Variants in RNF130 observed in about 807,000 individuals in gnomAD.
The protein encoded by RNF130 is E3 ubiquitin-protein ligase RNF130.
In RNF130, 21 loss-of-function variants were observed where a neutral mutation model predicts 44.6. The ratio of observed to expected loss-of-function variants is 0.47; its 90% CI spans 0.33 to 0.68. The LOEUF (loss-of-function observed/expected upper bound fraction) is 0.68, where lower values mean the gene tolerates loss of function less well. Among genes scored for constraint, RNF130 ranks in the 30% least tolerant of loss-of-function variants. RNF130 has a pLI of 0.02. For synonymous variants in RNF130, 214 were observed against 210.4 expected, an observed-to-expected ratio of 1.02 and a Z score of -0.15; for missense variants, 479 against 560.6, an observed-to-expected ratio of 0.85 and a Z score of 1.47.
chr5:179,915,696 T>G (rs1195041472), exon 8 of RNF130: 8 of 152,274 alleles, frequency 5.3e-5, no homozygotes, highest in Non-Finnish European at 1.2e-4. Context: ...TGACCCCCAG[T>G]GCGGTTCCTT....
intron 1 of RNF130, among the ~76,000 whole-genome samples, chr5:180,069,432 T>C (rs1437943957): frequency 2.1e-5 from 3 of 142,146 alleles, no homozygotes; most frequent in African/African-American, 5.1e-5. Flanking sequence ...CGAGAAAACC[T>C]GGAGCAAGCC....
rs1762193612 is a variant in RNF130, at chr5:179,955,563, T to C, written c.*91A>G. 7.6e-6 allele frequency: 8 copies of C among 1,046,760 alleles called. No homozygotes were observed. In the South Asian group the frequency reaches 1.1e-4, roughly 15 times the overall value. The allele number at this position is 1,046,760 out of a possible 1,614,324, so 64.8% of individuals were successfully genotyped here. A position where few individuals can be genotyped will look rare whatever the true frequency, so the allele number is the denominator to read the frequency against. On this transcript the variant is annotated 3_prime_UTR_variant, in exon 9 of 9. Coordinates refer to ENST00000521389, the MANE Select transcript of RNF130 (RefSeq NM_018434.6). Reference sequence around the variant, plus strand: ...AAAAATAAAATGTACTAAAAATAAATGCTTGTGTGGCATGATTGGTAAATG... The same window carrying C: ...AAAAATAAAATGTACTAAAAATAAACGCTTGTGTGGCATGATTGGTAAATG...
chr5:180,010,492 T>G (rs1216189562), intron 3 of RNF130, among the ~76,000 whole-genome samples: 1 of 152,064 alleles, frequency 6.6e-6, no homozygotes, highest in Non-Finnish European at 1.5e-5. Flanking sequence ...CCTGAATGGA[T>G]GGGACTACAG....
intron 1 of RNF130, among the ~76,000 whole-genome samples, chr5:180,061,151 T>A (rs1347054339): frequency 7.0e-6 from 1 of 142,814 alleles, no homozygotes; most frequent in Non-Finnish European, 1.5e-5. Context: ...AGACTGTGGG[T>A]GACGCATCAG....
chr5:179,989,482 T>C (rs1763029635), intron 3 of RNF130, among the ~76,000 whole-genome samples: 1 of 152,208 alleles, frequency 6.6e-6, no homozygotes, highest in Admixed American at 6.5e-5. Flanking sequence ...CCTGCAGAAT[T>C]GATCCCTTCA....
intron 4 of RNF130, among the ~76,000 whole-genome samples, chr5:179,979,828 A>T (rs931054771): frequency 3.9e-5 from 6 of 152,244 alleles, no homozygotes; most frequent in African/African-American, 1.4e-4. Flanking sequence ...AAAACAACAA[A>T]AGAGACATAG....
intron 1 of RNF130, among the ~76,000 whole-genome samples, chr5:180,063,507 T>C (rs1468251505): frequency 6.6e-6 from 1 of 152,158 alleles, no homozygotes; most frequent in African/African-American, 2.4e-5. Context: ...AGCTTATCAA[T>C]TTGGAGATGT....
intron 2 of RNF130, among the ~76,000 whole-genome samples, chr5:180,019,114 G>A (rs1207880827): frequency 6.6e-6 from 1 of 152,210 alleles, no homozygotes; most frequent in Non-Finnish European, 1.5e-5. Context: ...GCCGGGCGGG[G>A]TGGCTCACGC....
At chr5:179,959,279 A>G (rs945058041) in intron 8 of RNF130, among the ~76,000 whole-genome samples, 1 of 152,114 alleles carries the variant, frequency 6.6e-6, no homozygotes, top group Non-Finnish European at 1.5e-5. Flanking sequence ...CATCCCCAAG[A>G]CATCAAATAA....
At chr5:179,928,897 G>C (rs535343276) in intron 7 of RNF130, among the ~76,000 whole-genome samples, 1 of 152,146 alleles carries the variant, frequency 6.6e-6, no homozygotes, top group Non-Finnish European at 1.5e-5. Context: ...CCAAAGTGCT[G>C]GGATTACAGG....
intron 2 of RNF130, among the ~76,000 whole-genome samples, chr5:180,039,952 T>G (rs1012995397): frequency 6.6e-6 from 1 of 152,256 alleles, no homozygotes; most frequent in African/African-American, 2.4e-5. Flanking sequence ...GGCATTTATA[T>G]AGTAAGTGCT....
chr5:180,032,349 T>A (rs1376176063), intron 2 of RNF130, among the ~76,000 whole-genome samples: 2 of 152,122 alleles, frequency 1.3e-5, no homozygotes, highest in Non-Finnish European at 2.9e-5. Context: ...TTTTATATAG[T>A]CTAAATCCCT....
chr5:180,012,522 C>T (rs1237782227), intron 3 of RNF130, among the ~76,000 whole-genome samples: 1 of 152,056 alleles, frequency 6.6e-6, no homozygotes, highest in East Asian at 1.9e-4. Context: ...GATGCGCTGT[C>T]AGTGGAACTC....
chr5:180,042,701 T>C (rs1450347342), intron 1 of RNF130, among the ~76,000 whole-genome samples: 1 of 152,240 alleles, frequency 6.6e-6, no homozygotes, highest in Non-Finnish European at 1.5e-5. Flanking sequence ...TTTCAAAACA[T>C]ACTGCTGCAC....
chr5:180,037,818 C>T (rs1362766353), intron 2 of RNF130, among the ~76,000 whole-genome samples: 1 of 152,208 alleles, frequency 6.6e-6, no homozygotes, highest in Non-Finnish European at 1.5e-5. Context: ...TACTTTCCCA[C>T]ATTATGTTTT....
At chr5:179,945,614 G>A (rs1047985244) in intron 7 of RNF130, among the ~76,000 whole-genome samples, 2 of 152,150 alleles carry the variant, frequency 1.3e-5, no homozygotes, top group African/African-American at 2.4e-5. Flanking sequence ...GACAGTCTAA[G>A]GTGCAGATCA....
intron 2 of RNF130, chr5:180,015,425 CTCTTGAAGACTCAA>C (rs1763694206): frequency 4.0e-6 from 2 of 495,322 alleles, no homozygotes; most frequent in Non-Finnish European, 8.6e-6. Flanking sequence ...TTGAGGCTCC[CTCTTGAAGACTCAA>C]GCTGGAAAAG....
At chr5:180,071,125 T>A (rs1765250120) in intron 1 of RNF130, among the ~76,000 whole-genome samples, 1 of 152,190 alleles carries the variant, frequency 6.6e-6, no homozygotes, top group Non-Finnish European at 1.5e-5. Context: ...GTCCTCCCCA[T>A]GAAGTAGTTT....
At chr5:180,009,201 G>T (rs1278727660) in intron 3 of RNF130, among the ~76,000 whole-genome samples, 1 of 152,032 alleles carries the variant, frequency 6.6e-6, no homozygotes, top group Admixed American at 6.5e-5. Flanking sequence ...GATAAGTAAA[G>T]AATTTTTAGA....
Sources: gnomAD v4.1 joint callset for allele counts (sites outside exome capture counted in the v4.1 genomes callset) on GRCh38, gnomAD v4.1.1 for gene constraint, MANE v1.5 for transcripts, NCBI Gene and HGNC (gene_info 2026-07-23, HGNC 2026-07-21) for gene names.